Variants in NBAS observed in about 807,000 individuals in gnomAD.
The protein encoded by NBAS is NAG/BC035112 fusion.
Under a neutral mutation model 302.5 loss-of-function variants are expected in NBAS, and 219 were observed. The ratio of observed to expected loss-of-function variants is 0.72; its 90% confidence interval spans 0.65 to 0.81. The LOEUF is 0.81. NBAS is among the 30% of genes least tolerant of loss of function. The probability of loss-of-function intolerance (pLI) is 0.00; values close to 1 mark genes in which losing one functional copy is unlikely to be tolerated. For missense variants in NBAS, 2,932 were observed against 2,841.6 expected, an observed-to-expected ratio of 1.03 and a Z score of -0.72; for synonymous variants, 1,118 against 1,021.6, an observed-to-expected ratio of 1.09 and a Z score of -1.80.
chr2:15,217,455 AT>A (rs1013117915), intron 48 of NBAS, among the ~76,000 whole-genome samples: 2 of 152,228 alleles, frequency 1.3e-5, no homozygotes, highest in African/African-American at 2.4e-5. Context: ...AATCTGATTC[AT>A]TTTTTAAAAG....
At chr2:15,359,845 T>C (rs1193180020) in intron 32 of NBAS, among the ~76,000 whole-genome samples, 1 of 151,878 alleles carries the variant, frequency 6.6e-6, no homozygotes, top group Non-Finnish European at 1.5e-5. Flanking sequence ...CAGTCATGAG[T>C]TGCTTAACAA....
chr2:15,320,909 G>A (rs1371669970), intron 38 of NBAS, among the ~76,000 whole-genome samples: 2 of 152,040 alleles, frequency 1.3e-5, no homozygotes. Flanking sequence ...AAGTTCATAT[G>A]GAACCAAAAA....
At chr2:15,559,336 A>C (rs1664800785) in intron 1 of NBAS, among the ~76,000 whole-genome samples, 1 of 152,214 alleles carries the variant, frequency 6.6e-6, no homozygotes, top group African/African-American at 2.4e-5. Flanking sequence ...TTCATTGACT[A>C]TCTGTTGTGT....
chr2:14,802,546 C>A, the NBAS span, among the ~76,000 whole-genome samples: 1 of 151,992 alleles, frequency 6.6e-6, no homozygotes, highest in Non-Finnish European at 1.5e-5. Flanking sequence ...GTAGTTTATA[C>A]CCAAATGACT....
chr2:15,328,957 G>C (rs1285292078), intron 36 of NBAS, among the ~76,000 whole-genome samples: 2 of 152,140 alleles, frequency 1.3e-5, no homozygotes, highest in South Asian at 4.1e-4. Context: ...ATCCTTGACA[G>C]ATGGATGCAA....
chr2:14,964,823 G>A, the NBAS span, among the ~76,000 whole-genome samples: 1 of 152,090 alleles, frequency 6.6e-6, no homozygotes, highest in African/African-American at 2.4e-5. Flanking sequence ...AAGGATTTAA[G>A]TCACACAAAG....
At chr2:14,940,446 C>T in the NBAS span, among the ~76,000 whole-genome samples, 2 of 152,294 alleles carry the variant, frequency 1.3e-5, no homozygotes, top group East Asian at 3.9e-4. Flanking sequence ...ATCGTACTTC[C>T]TGTACAGCCT....
the NBAS span, among the ~76,000 whole-genome samples, chr2:14,969,721 T>C: frequency 1.2e-3 from 183 of 152,242 alleles, no homozygotes; most frequent in African/African-American, 4.0e-3. Context: ...GTTAGTCTTA[T>C]TAGTAAACGG....
chr2:14,855,494 T>C, the NBAS span, among the ~76,000 whole-genome samples: 5 of 152,060 alleles, frequency 3.3e-5, no homozygotes, highest in Non-Finnish European at 5.9e-5. Flanking sequence ...ACTTCACTCT[T>C]GGATGGCATT....
the NBAS span, among the ~76,000 whole-genome samples, chr2:14,909,832 T>C: frequency 6.6e-6 from 1 of 152,208 alleles, no homozygotes; most frequent in Non-Finnish European, 1.5e-5. Context: ...CACCCACATG[T>C]CCAGCAGCAG....
At chr2:15,340,397 C>T (rs1218282399) in intron 35 of NBAS, among the ~76,000 whole-genome samples, 3 of 152,006 alleles carry the variant, frequency 2.0e-5, no homozygotes, top group Non-Finnish European at 2.9e-5. Flanking sequence ...AGTTCTATTT[C>T]GTGACATGGG....
At chr2:14,781,223 C>T in the NBAS span, among the ~76,000 whole-genome samples, 22 of 152,164 alleles carry the variant, frequency 1.4e-4, no homozygotes, top group Non-Finnish European at 3.1e-4. Flanking sequence ...CTCATTTGAA[C>T]AGACATCAAT....
chr2:15,390,025 C>T (rs1675508817), intron 28 of NBAS, among the ~76,000 whole-genome samples: 1 of 152,198 alleles, frequency 6.6e-6, no homozygotes, highest in Non-Finnish European at 1.5e-5. Flanking sequence ...CATAGCAGAA[C>T]TGGAAGAAAT....
chr2:15,308,187 A>T lies in NBAS; in HGVS notation c.4797+29T>A, dbSNP rs1318102. 768,019 of 1,613,326 alleles carry T rather than the reference A, an allele frequency of 0.48. 190,735 individuals are homozygous for T. Among genetic ancestry groups the T allele is most frequent in the East Asian group, 0.79 (35,500 of 44,844 alleles). On this transcript the variant is annotated intron_variant, in intron 40 of 51. Transcript: ENST00000281513. ...TTTAGAAAAGGCTTAACTCTGCTCA[A>T]TAATAAGCTGGAAATCATGAAGACT...
At chr2:15,034,349 C>G in the NBAS span, among the ~76,000 whole-genome samples, 1 of 151,792 alleles carries the variant, frequency 6.6e-6, no homozygotes. Context: ...AGCAAGCAAG[C>G]AAGAAAAAAG....
At chr2:15,128,995 T>C in the NBAS span, among the ~76,000 whole-genome samples, 1 of 152,152 alleles carries the variant, frequency 6.6e-6, no homozygotes, top group Non-Finnish European at 1.5e-5. Flanking sequence ...GAGCCGCTGG[T>C]TTGAGCAGGG....
chr2:15,534,540 T>C lies in NBAS; in HGVS notation c.746+3A>G, dbSNP rs1382656525. 1 of 1,585,324 alleles carries C rather than the reference T, an allele frequency of 6.3e-7. No individual in the cohort carries two copies. The highest frequency in any genetic ancestry group is 1.3e-5 in the African/African-American group (1 of 74,524). ...CTAAATATGAGAACAAATGGTTACTTACCTGTGACCAGGGTGGTAAATAGC... is the reference window on the plus strand; with the variant it reads ...CTAAATATGAGAACAAATGGTTACTCACCTGTGACCAGGGTGGTAAATAGC... On this transcript the variant is annotated splice_donor_region_variant and intron_variant, in intron 9 of 51. Coordinates refer to ENST00000281513, the MANE Select transcript of NBAS (RefSeq NM_015909.4).
At chr2:15,156,075 C>T in the NBAS span, among the ~76,000 whole-genome samples, 1 of 152,172 alleles carries the variant, frequency 6.6e-6, no homozygotes, top group Admixed American at 6.5e-5. Context: ...AAAAAGCAAC[C>T]ATTTCCTGCC....
At chr2:15,299,973 A>G (rs961089413) in intron 40 of NBAS, among the ~76,000 whole-genome samples, 4 of 152,206 alleles carry the variant, frequency 2.6e-5, no homozygotes, top group African/African-American at 9.6e-5. Context: ...ATACTAGAAG[A>G]GAAAATTCTC....
Sources: gnomAD v4.1 joint callset for allele counts (sites outside exome capture counted in the v4.1 genomes callset) on GRCh38, gnomAD v4.1.1 for gene constraint, MANE v1.5 for transcripts, NCBI Gene and HGNC (gene_info 2026-07-23, HGNC 2026-07-21) for gene names.